FBN1: variants seen among roughly 807,000 people sequenced by gnomAD.
The protein encoded by FBN1 is fibrillin 1.
In FBN1, 29 loss-of-function variants were observed where a neutral mutation model predicts 365.1. The observed-to-expected ratio is 0.08, with a 90% CI of 0.06 to 0.11. The LOEUF is 0.11. Ranked by LOEUF, FBN1 falls within the 10% of genes least tolerant of loss-of-function variation. The probability of loss-of-function intolerance (pLI) is 1.00; values close to 1 mark genes in which losing one functional copy is unlikely to be tolerated. For missense variants in FBN1, 2,476 were observed against 3,703.2 expected (o/e 0.67, Z 8.60); for synonymous variants, 1,210 against 1,270.5 (o/e 0.95, Z 1.01).
At chr15:48,626,558 T>C (rs1002039195) in intron 2 of FBN1, among the ~76,000 whole-genome samples, 2 of 152,148 alleles carry the variant, frequency 1.3e-5, no homozygotes, top group Non-Finnish European at 2.9e-5. Context: ...ACAGGGACAA[T>C]ATTGTTGCTC....
At position 48,451,608 on chromosome 15, in the gene FBN1, G is replaced by A. The variant is rs1427455667; in HGVS notation, c.5545+954C>T. 6.6e-5 allele frequency among the ~76,000 whole-genome samples: 10 copies of A among 152,182 alleles called. No individual in the cohort carries two copies. In the East Asian group the frequency reaches 1.7e-3, roughly 26 times the overall value. On this transcript the variant is annotated intron_variant, in intron 45 of 65. Coordinates refer to ENST00000316623, the MANE Select transcript of FBN1 (RefSeq NM_000138.5). ...GGAAATCCAAGGAAAATCTGACCAC[G>A]TTCCCCTGTGTTGTTTCATTCACAA...
chr15:48,534,973 T>C (rs1157830515), intron 7 of FBN1, among the ~76,000 whole-genome samples: 2 of 152,172 alleles, frequency 1.3e-5, no homozygotes, highest in Non-Finnish European at 2.9e-5. Flanking sequence ...ACATGACTTC[T>C]CTGATCTTTT....
intron 6 of FBN1, among the ~76,000 whole-genome samples, chr15:48,559,266 T>C (rs1433458544): frequency 2.0e-5 from 3 of 152,196 alleles, no homozygotes; most frequent in African/African-American, 7.2e-5. Context: ...TAACAAATTG[T>C]AGCCACAAAT....
At chr15:48,498,553 G>A (rs1331030960) in intron 18 of FBN1, among the ~76,000 whole-genome samples, 1 of 151,966 alleles carries the variant, frequency 6.6e-6, no homozygotes, top group African/African-American at 2.4e-5. Context: ...GCTCTCTATT[G>A]CCATTTTATA....
chr15:48,557,334 T>C (rs918887433), intron 6 of FBN1, among the ~76,000 whole-genome samples: 1 of 152,136 alleles, frequency 6.6e-6, no homozygotes, highest in Non-Finnish European at 1.5e-5. Context: ...GGACTCAAGT[T>C]TCCTCCTGGT....
chr15:48,573,212 T>G (rs2044319152), intron 6 of FBN1, among the ~76,000 whole-genome samples: 1 of 152,212 alleles, frequency 6.6e-6, no homozygotes, highest in Non-Finnish European at 1.5e-5. Flanking sequence ...TGCAAGTTTG[T>G]GTTTTTCCAT....
At chr15:48,538,114 A>G (rs1296853665) in intron 6 of FBN1, among the ~76,000 whole-genome samples, 1 of 152,244 alleles carries the variant, frequency 6.6e-6, no homozygotes, top group Non-Finnish European at 1.5e-5. Flanking sequence ...GTAACATGGT[A>G]ATATTATTAT....
chr15:48,550,652 T>C (rs902648616), intron 6 of FBN1, among the ~76,000 whole-genome samples: 3 of 152,164 alleles, frequency 2.0e-5, no homozygotes, highest in Non-Finnish European at 4.4e-5. Context: ...CCATTGACAC[T>C]GAGTGAACTG....
chr15:48,557,516 G>A (rs1445424413), intron 6 of FBN1, among the ~76,000 whole-genome samples: 2 of 152,136 alleles, frequency 1.3e-5, no homozygotes, highest in Non-Finnish European at 2.9e-5. Flanking sequence ...TTTAAACCAG[G>A]TCAGCCAGAA....
intron 9 of FBN1, among the ~76,000 whole-genome samples, chr15:48,522,136 A>G (rs184135010): frequency 5.9e-5 from 9 of 152,322 alleles, no homozygotes; most frequent in East Asian, 5.8e-4. Context: ...TGATCTGCCA[A>G]TGTCTCCCAT....
chr15:48,578,699 C>T (rs1398884910), intron 6 of FBN1, among the ~76,000 whole-genome samples: 31 of 148,750 alleles, frequency 2.1e-4, no homozygotes, highest in South Asian at 4.4e-4. Context: ...CATTCATGTC[C>T]TTTGTAGGGA....
intron 13 of FBN1, among the ~76,000 whole-genome samples, chr15:48,512,927 C>T (rs2043772658): frequency 6.6e-6 from 1 of 152,098 alleles, no homozygotes; most frequent in Non-Finnish European, 1.5e-5. Context: ...TAATAAAAGG[C>T]ATATTGGGTG....
At chr15:48,475,571 A>C (rs2043412363) in intron 32 of FBN1, among the ~76,000 whole-genome samples, 1 of 152,206 alleles carries the variant, frequency 6.6e-6, no homozygotes, top group South Asian at 2.1e-4. Context: ...GAACTCATAA[A>C]TATGGTACTC....
chr15:48,462,953 A>G, intron 42 of FBN1, 129 bp downstream of exon 42: 3 of 905,550 alleles, frequency 3.3e-6, no homozygotes, highest in East Asian at 2.4e-5. Context: ...AATTTAAATC[A>G]TGAGCCGTTT....
At position 48,410,720 on chromosome 15, in the gene FBN1, C is replaced by T; in HGVS notation, c.*270G>A. The T allele has an allele frequency of 2.3e-6, 1 of 426,562 alleles. No individual in the cohort carries two copies. Among genetic ancestry groups the T allele is most frequent in the African/African-American group, 2.0e-5 (1 of 49,348 alleles). 26.4% of individuals were successfully genotyped at this position (426,562 alleles called of 1,614,324 possible). A position where few individuals can be genotyped will look rare whatever the true frequency, so the allele number is the denominator to read the frequency against. ...GGCATGTCAGCATAAATGGCCAACC[C>T]CCAATGGAAATACACGTCCCAGTTT... On this transcript the variant is annotated 3_prime_UTR_variant, in exon 66 of 66. Coordinates refer to ENST00000316623, the MANE Select transcript of FBN1 (RefSeq NM_000138.5).
chr15:48,505,041 A>G lies in FBN1; in HGVS notation c.1944T>C (p.Asp648=). The change falls in exon 16 of 66, where the codon GAT becomes GAC. Residue 648 remains aspartate (D), a synonymous_variant. Coordinates refer to ENST00000316623, the MANE Select transcript of FBN1 (RefSeq NM_000138.5). ...TTTTCTTACCAACACACACACGGCC[A>G]TCCAGACCCACAGCCAGTCCAGGGA... The part of the protein sequence containing the change: ...ECFPGLAVGL[D]GRVCVDTHMR... The G allele has an allele frequency of 6.2e-7, 1 of 1,614,166 alleles. No individual in the cohort carries two copies. The highest frequency in any genetic ancestry group is 8.5e-7 in the Non-Finnish European group (1 of 1,180,026).
In FBN1 at chr15:48,534,145, A is replaced by G. The variant is rs2043995019; in HGVS notation, c.797T>C (p.Val266Ala). 6.2e-7 allele frequency: 1 copy of G among 1,613,938 alleles called. No individual in the cohort carries two copies. The highest frequency in any genetic ancestry group is 2.2e-5 in the East Asian group (1 of 44,868). The change falls in exon 8 of 66, where the codon GTT (valine) becomes GCT (alanine). Residue 266 changes from valine to alanine, a missense_variant. Physicochemically the swap from Val to Ala is moderately conservative, Grantham distance 64. Around this residue, in one of 5 missense-constraint regions of FBN1, gnomAD observed 421 missense variants for 520.1 expected, o/e 0.81. Coordinates refer to ENST00000316623, the MANE Select transcript of FBN1 (RefSeq NM_000138.5). ...AGGGCATTTGCACTCAAAAGACCCAACAGTATTAATGCAATTTCCTCCCTG... is the reference window on the plus strand; with the variant it reads ...AGGGCATTTGCACTCAAAAGACCCAGCAGTATTAATGCAATTTCCTCCCTG... ...LCQGGNCINT[V>A]GSFECKCPAG...
rs2043403554 is a variant in FBN1 at position 48,474,459 on chromosome 15, TA to T, written c.4087+68del. The stretch of plus-strand genomic sequence containing the variant: ...ATACACAAATTAAAATAACTTTACA[TA>T]ATTAATATTTTCATATGTGTAATCT... On this transcript the variant is annotated intron_variant, in intron 33 of 65. Coordinates refer to ENST00000316623, the MANE Select transcript of FBN1 (RefSeq NM_000138.5). 3 of 1,612,164 alleles carry T rather than the reference TA, an allele frequency of 1.9e-6. No homozygotes were observed. The Admixed American group carries it at 5.0e-5, about 27-fold the overall frequency.
intron 24 of FBN1, among the ~76,000 whole-genome samples, chr15:48,490,708 T>G (rs1296599308): frequency 6.6e-6 from 1 of 152,178 alleles, no homozygotes; most frequent in Non-Finnish European, 1.5e-5. Context: ...CCCAAATTCA[T>G]GGGATTATAA....
Sources: gnomAD v4.1 joint callset for allele counts (sites outside exome capture counted in the v4.1 genomes callset) on GRCh38, gnomAD v4.1.1 for gene constraint, gnomAD v4.1.1 regional missense constraint, MANE v1.5 for transcripts, NCBI Gene and HGNC (gene_info 2026-07-23, HGNC 2026-07-21) for gene names.